Variants in PHACTR2 observed in about 807,000 individuals in gnomAD.
The protein encoded by PHACTR2 is phosphatase and actin regulator 2.
A neutral mutation model predicts 76.0 loss-of-function variants in PHACTR2; 30 were observed. The ratio of observed to expected loss-of-function variants is 0.39; its 90% CI spans 0.30 to 0.54. The LOEUF (loss-of-function observed/expected upper bound fraction) is 0.54, where lower values mean the gene tolerates loss of function less well. Ranked by LOEUF, PHACTR2 falls within the 20% of genes least tolerant of loss-of-function variation. The probability of loss-of-function intolerance (pLI) is 0.61; values close to 1 mark genes in which losing one functional copy is unlikely to be tolerated. For synonymous variants in PHACTR2, 292 were observed against 292.5 expected, an observed-to-expected ratio of 1.00 and a Z score of 0.02; for missense variants, 696 against 781.1, an observed-to-expected ratio of 0.89 and a Z score of 1.30.
rs907223329 is a variant in PHACTR2 at position 143,591,246 on chromosome 6, G to A, written c.217+54039G>A. 3.3e-5 allele frequency among the ~76,000 whole-genome samples: 5 copies of A among 152,150 alleles called. No homozygotes were observed. Among genetic ancestry groups the A allele is most frequent in the African/African-American group, 1.2e-4 (5 of 41,430 alleles). ...CTCCTGACTTTTGAATTTCAAAAGT[G>A]TAGGCCAGGCATAAGATAAAAGGTG... On this transcript the variant is annotated intron_variant, in intron 1 of 11. Transcript: ENST00000367584. The surrounding 1 kb of genome is among the most constrained non-coding windows in gnomAD (Gnocchi z 6.4).
intron 2 of PHACTR2, among the ~76,000 whole-genome samples, chr6:143,735,876 T>A (rs1327758209): frequency 6.6e-6 from 1 of 152,158 alleles, no homozygotes; most frequent in African/African-American, 2.4e-5. Flanking sequence ...TAGTTTTTCC[T>A]AAAAAAATTA....
At chr6:143,682,517 G>A (rs1371120776) in intron 1 of PHACTR2, among the ~76,000 whole-genome samples, 1 of 146,050 alleles carries the variant, frequency 6.8e-6, no homozygotes, top group Non-Finnish European at 1.5e-5. Flanking sequence ...TGCCTGGCCT[G>A]AACTCATTTT....
At chr6:143,769,374 G>T (rs535082541) in intron 6 of PHACTR2, among the ~76,000 whole-genome samples, 19 of 152,088 alleles carry the variant, frequency 1.2e-4, no homozygotes, top group Middle Eastern at 3.4e-3. Context: ...GAAAAATGAG[G>T]GGTAAGTCAT....
In PHACTR2 at chr6:143,659,039, G is replaced by C. The variant is rs1398443159; in HGVS notation, c.13+50717G>C. On this transcript the variant is annotated intron_variant, in intron 1 of 11. Transcript: ENST00000305766. The surrounding 1 kb of genome is among the most constrained non-coding windows in gnomAD (Gnocchi z 5.0). Reference sequence around the variant, plus strand: ...ATTCTGTCTCAAAAAAAAAAAAAAAGATAAAAAATGGCACACTTCTATAGG... The same window carrying C: ...ATTCTGTCTCAAAAAAAAAAAAAAACATAAAAAATGGCACACTTCTATAGG... Among the ~76,000 whole-genome samples, 2 of 143,260 alleles carry C rather than the reference G, an allele frequency of 1.4e-5. No homozygotes were observed. The highest frequency in any genetic ancestry group is 3.0e-5 in the Non-Finnish European group (2 of 65,680). The allele number at this position is 143,260 out of a possible 152,430, so 94.0% of individuals were successfully genotyped here. A position where few individuals can be genotyped will look rare whatever the true frequency, so the allele number is the denominator to read the frequency against.
chr6:143,813,054 G>A (rs545401792), intron 12 of PHACTR2, among the ~76,000 whole-genome samples: 1 of 152,170 alleles, frequency 6.6e-6, no homozygotes, highest in Non-Finnish European at 1.5e-5. Flanking sequence ...GTGTTAACAT[G>A]TATCAGATTT....
Position 143,743,800 on chromosome 6 carries a change from C to T in PHACTR2, c.215-5185C>T, listed in dbSNP as rs1234616673. On this transcript the variant is annotated intron_variant, in intron 2 of 12. Coordinates refer to ENST00000440869, the MANE Select transcript of PHACTR2 (RefSeq NM_001100164.2). This position sits in a 1 kb window ranked among gnomAD's most constrained non-coding sequence, Gnocchi z 5.0. ...CGCTTATTTAATAGTCTTCTATTTG[C>T]TCTTCTATTTTGTCCAGTCATTAAA... Among the ~76,000 whole-genome samples the T allele has an allele frequency of 6.6e-6, 1 of 152,194 alleles. No individual in the cohort carries two copies. The highest frequency in any genetic ancestry group is 1.5e-5 in the Non-Finnish European group (1 of 68,042).
Position 143,611,094 on chromosome 6 carries a change from G to A in PHACTR2, c.13+2772G>A, listed in dbSNP as rs1260993233. 6.6e-6 allele frequency among the ~76,000 whole-genome samples: 1 copy of A among 151,712 alleles called. No homozygotes were observed. Among genetic ancestry groups the A allele is most frequent in the Admixed American group, 6.6e-5 (1 of 15,238 alleles). On this transcript the variant is annotated intron_variant, in intron 1 of 11. Transcript: ENST00000305766. This position sits in a 1 kb window ranked among gnomAD's most constrained non-coding sequence, Gnocchi z 4.4. Reference sequence around the variant, plus strand: ...TCAGAGGCAAAGTTGATTGGTGTGTGTTTTTTATCTGAAACACAATTTTTG... The same window carrying A: ...TCAGAGGCAAAGTTGATTGGTGTGTATTTTTTATCTGAAACACAATTTTTG...
At position 143,754,014 on chromosome 6, in the gene PHACTR2, A is replaced by G; in HGVS notation, c.454+102A>G. On this transcript the variant is annotated intron_variant, in intron 4 of 12. Coordinates refer to ENST00000440869, the MANE Select transcript of PHACTR2 (RefSeq NM_001100164.2). The surrounding 1 kb of genome is among the most constrained non-coding windows in gnomAD (Gnocchi z 6.2). ...AGTGACTCTAAAACCAGCAGTCTGC[A>G]GAGGAGAGGTTTACAAATAGAAAAA... 1.6e-6 allele frequency: 1 copy of G among 611,340 alleles called. No homozygotes were observed. The highest frequency in any genetic ancestry group is 2.6e-6 in the Non-Finnish European group (1 of 384,988). 37.9% of individuals were successfully genotyped at this position (611,340 alleles called of 1,614,324 possible). A position where few individuals can be genotyped will look rare whatever the true frequency, so the allele number is the denominator to read the frequency against.
rs964260664 is a variant in PHACTR2 at position 143,709,452 on chromosome 6, T to C, written c.47-2564T>C. On this transcript the variant is annotated intron_variant, in intron 1 of 12. Transcript: ENST00000440869. The surrounding 1 kb of genome is among the most constrained non-coding windows in gnomAD (Gnocchi z 4.4). ...TGTCTGTCTTCATTCAGTTTGAGAT[T>C]TTCCTGGTTCTTAGTGTGTCAAGTG... is the stretch of plus-strand genomic sequence containing the variant. 7.9e-5 allele frequency among the ~76,000 whole-genome samples: 12 copies of C among 152,206 alleles called. No homozygotes were observed. Among genetic ancestry groups the C allele is most frequent in the Admixed American group, 5.2e-4 (8 of 15,286 alleles).
chr6:143,788,795 C>G lies in PHACTR2; in HGVS notation c.1730C>G (p.Ala577Gly). The change falls in exon 11 of 13, where the codon GCA becomes GGA. Residue 577 changes from alanine (A) to glycine (G), a missense_variant. Ala to Gly is a moderately conservative substitution (Grantham distance 60). This residue lies in a region of PHACTR2 where 236 missense variants were observed against 330.2 expected (regional missense o/e 0.71). Coordinates refer to ENST00000440869, the MANE Select transcript of PHACTR2 (RefSeq NM_001100164.2). ...CAGCTCAGCCTGAGACCCACAGTGG[C>G]AGAGCTACAAGCTCGAAGGATCCTG... is the stretch of plus-strand genomic sequence containing the variant. ...SRKLSLRPTVAELQARRILRF... is the reference protein window; with the variant it reads ...SRKLSLRPTVGELQARRILRF... 1 of 1,612,738 alleles carries G rather than the reference C, an allele frequency of 6.2e-7. No individual in the cohort carries two copies. The highest frequency in any genetic ancestry group is 8.5e-7 in the Non-Finnish European group (1 of 1,179,024).
rs1776901662 is a variant in PHACTR2 at position 143,659,037 on chromosome 6, A to G, written c.13+50715A>G. 6.6e-6 allele frequency among the ~76,000 whole-genome samples: 1 copy of G among 151,818 alleles called. No individual in the cohort carries two copies. The highest frequency in any genetic ancestry group is 1.9e-4 in the East Asian group (1 of 5,188). On this transcript the variant is annotated intron_variant, in intron 1 of 11. Transcript: ENST00000305766. The surrounding 1 kb of genome is among the most constrained non-coding windows in gnomAD (Gnocchi z 5.0). ...AGATTCTGTCTCAAAAAAAAAAAAA[A>G]AGATAAAAAATGGCACACTTCTATA...
chr6:143,601,261 T>C (rs762492393), intron 1 of PHACTR2, among the ~76,000 whole-genome samples: 2 of 152,206 alleles, frequency 1.3e-5, no homozygotes, highest in Non-Finnish European at 2.9e-5. Flanking sequence ...AGAATCTTCT[T>C]TGAGAAAATC....
chr6:143,718,319 C>T (rs1778347925), intron 2 of PHACTR2, among the ~76,000 whole-genome samples: 1 of 152,210 alleles, frequency 6.6e-6, no homozygotes, highest in Non-Finnish European at 1.5e-5. Context: ...TCTTTAAGGG[C>T]TACTATTATC....
rs1463641201 is a variant in PHACTR2, at chr6:143,585,003, A to C, written c.217+47796A>C. ...ATTAAAAAAAAAAAAAAAAAGCTAT[A>C]GGCTTGGCTGTCATACCTTCTATAG... is the stretch of plus-strand genomic sequence containing the variant. On this transcript the variant is annotated intron_variant, in intron 1 of 11. Transcript: ENST00000367584. This position sits in a 1 kb window ranked among gnomAD's most constrained non-coding sequence, Gnocchi z 5.2. 6.7e-6 allele frequency among the ~76,000 whole-genome samples: 1 copy of C among 149,346 alleles called. No homozygotes were observed. Among genetic ancestry groups the C allele is most frequent in the East Asian group, 2.0e-4 (1 of 5,112 alleles).
chr6:143,630,306 C>T (rs1776341244), intron 1 of PHACTR2, among the ~76,000 whole-genome samples: 1 of 144,456 alleles, frequency 6.9e-6, no homozygotes, highest in South Asian at 2.2e-4. Flanking sequence ...AGGCATATTC[C>T]TTCTGGCTAC....
rs1268912791 is a variant in PHACTR2 at position 143,826,603 on chromosome 6, A to G, written c.*2914A>G. The G allele has an allele frequency of 6.6e-6, 1 of 152,186 alleles. No homozygotes were observed. The highest frequency in any genetic ancestry group is 1.5e-5 in the Non-Finnish European group (1 of 68,032). The allele number at this position is 152,186 out of a possible 1,614,324, so 9.4% of individuals were successfully genotyped here. On this transcript the variant is annotated 3_prime_UTR_variant, in exon 13 of 13. Transcript: ENST00000440869. ...ATTTTAGTTTTTTTATTGGAGAATA[A>G]AACATTAATATTAGGGTATTAAGAA... is the stretch of plus-strand genomic sequence containing the variant.
At position 143,698,375 on chromosome 6, in the gene PHACTR2, A is replaced by T. The variant is rs963797624; in HGVS notation, c.47-13641A>T. On this transcript the variant is annotated intron_variant, in intron 1 of 12. Transcript: ENST00000440869. The surrounding 1 kb of genome is among the most constrained non-coding windows in gnomAD (Gnocchi z 4.3). The stretch of plus-strand genomic sequence containing the variant: ...ATCATTATTATAAAATTATTTTTTT[A>T]AAAAGCAACTAGTGGAATTGTTTCT... 2.6e-5 allele frequency among the ~76,000 whole-genome samples: 4 copies of T among 152,362 alleles called. No individual in the cohort carries two copies. The highest frequency in any genetic ancestry group is 2.0e-4 in the Admixed American group (3 of 15,304).
chr6:143,564,185 GTGTGTGTGTGCATA>G (rs1274504824), intron 1 of PHACTR2, among the ~76,000 whole-genome samples: 2 of 57,398 alleles, frequency 3.5e-5, no homozygotes, highest in African/African-American at 5.9e-5. Flanking sequence ...GTGTGTGTAT[GTGTGTGTGTGCATA>G]TATATATATA....
chr6:143,804,309 C>T (rs1776020827), intron 11 of PHACTR2, among the ~76,000 whole-genome samples: 1 of 152,182 alleles, frequency 6.6e-6, no homozygotes, highest in African/African-American at 2.4e-5. Flanking sequence ...GGGTTTCTCA[C>T]AGCATGGTTT....
Sources: gnomAD v4.1 joint callset for allele counts (sites outside exome capture counted in the v4.1 genomes callset) on GRCh38, gnomAD v4.1.1 for gene constraint, gnomAD v4.1.1 regional missense constraint, Gnocchi (gnomAD v3.1) non-coding constraint, MANE v1.5 for transcripts, NCBI Gene and HGNC (gene_info 2026-07-23, HGNC 2026-07-21) for gene names.